The following ROBO2 variants were observed in gnomAD, a reference collection of about 807,000 sequenced individuals.
ROBO2 encodes roundabout homolog 2.
In ROBO2, 53 loss-of-function variants were observed where a neutral mutation model predicts 160.8. The observed-to-expected ratio is 0.33, with a 90% CI of 0.26 to 0.41. The LOEUF is 0.41. Among genes scored for constraint, ROBO2 ranks in the 10% least tolerant of loss-of-function variants. The pLI is 1.00. For synonymous variants in ROBO2, 664 were observed against 611.7 expected (o/e 1.09, Z -1.26); for missense variants, 1,577 against 1,722.4 (o/e 0.92, Z 1.49).
intron 2 of ROBO2, among the ~76,000 whole-genome samples, chr3:76,451,969 TG>T (rs2077497456): frequency 6.6e-6 from 1 of 152,154 alleles, no homozygotes; most frequent in African/African-American, 2.4e-5. Context: ...AGATTTATGT[TG>T]GTATGGTTAG....
chr3:77,402,898 C>T (rs909582035), intron 2 of ROBO2, among the ~76,000 whole-genome samples: 1 of 152,076 alleles, frequency 6.6e-6, no homozygotes, highest in Admixed American at 6.6e-5. Flanking sequence ...CATTCCTGCT[C>T]TAAAGGTTTC....
chr3:77,063,593 T>A (rs2066536072), intron 1 of ROBO2, among the ~76,000 whole-genome samples: 1 of 152,242 alleles, frequency 6.6e-6, no homozygotes, highest in South Asian at 2.1e-4. Context: ...TGTAGTAATT[T>A]ACATATGTGC....
intron 2 of ROBO2, among the ~76,000 whole-genome samples, chr3:76,327,223 A>G (rs1016499196): frequency 1.3e-5 from 2 of 152,058 alleles, no homozygotes; most frequent in African/African-American, 4.8e-5. Context: ...AAAAGTATCT[A>G]TTTTCTCAAT....
chr3:76,378,085 C>A lies in ROBO2; in HGVS notation c.109+440483C>A, dbSNP rs181795537. ...GCAGCTTGCAGTATAATATGAGATGCCTTCTAGGTGTAAAATAAAAATACT... is the reference window on the plus strand; with the variant it reads ...GCAGCTTGCAGTATAATATGAGATGACTTCTAGGTGTAAAATAAAAATACT... On this transcript the variant is annotated intron_variant, in intron 2 of 26. Coordinates refer to the ROBO2 transcript ENST00000487694. Among the ~76,000 whole-genome samples, 140 of 152,164 alleles carry A rather than the reference C, an allele frequency of 9.2e-4. 4 individuals are homozygous for A. The highest frequency in any genetic ancestry group is 8.0e-3 in the Admixed American group (122 of 15,276).
chr3:77,355,036 G>A (rs1212853943), intron 2 of ROBO2, among the ~76,000 whole-genome samples: 1 of 151,380 alleles, frequency 6.6e-6, no homozygotes, highest in African/African-American at 2.4e-5. Flanking sequence ...CATGGAGTCA[G>A]GTAAGCATCT....
intron 25 of ROBO2, among the ~76,000 whole-genome samples, 179 bp downstream of exon 27, chr3:77,645,083 C>T (rs1484099549): frequency 6.6e-6 from 1 of 152,114 alleles, no homozygotes; most frequent in African/African-American, 2.4e-5. Flanking sequence ...TATTGAAGTC[C>T]ATTTTTATAA....
intron 2 of ROBO2, among the ~76,000 whole-genome samples, chr3:77,179,271 G>T (rs910181005): frequency 7.9e-5 from 12 of 151,198 alleles, no homozygotes; most frequent in South Asian, 2.1e-4. Flanking sequence ...TTCACTTCTC[G>T]GGAGATTGAA....
chr3:76,620,750 A>T (rs2089003581), intron 2 of ROBO2, among the ~76,000 whole-genome samples: 1 of 152,186 alleles, frequency 6.6e-6, no homozygotes, highest in Admixed American at 6.5e-5. Flanking sequence ...GCTTATAAAT[A>T]CTAAAGCTTA....
At position 77,563,238 on chromosome 3, in the gene ROBO2, A is replaced by C; in HGVS notation, c.1591A>C (p.Thr531Pro). 1 of 1,613,668 alleles carries C rather than the reference A, an allele frequency of 6.2e-7. No homozygotes were observed. The highest frequency in any genetic ancestry group is 1.3e-5 in the African/African-American group (1 of 75,014). The change falls in exon 11 of 26, where the codon ACT (threonine) becomes CCT (proline). Residue 531 changes from threonine to proline, a missense_variant. Physicochemically the swap from Thr to Pro is conservative, Grantham distance 38 (BLOSUM62 -1). Coordinates refer to ENST00000461745, the Ensembl canonical transcript of ROBO2. The stretch of plus-strand genomic sequence containing the variant: ...AGGGCCACCATCCAAACCGCAGGTC[A>C]CTGATGTTACTAAGAACAGTGTCAC...
chr3:76,641,358 T>C (rs2090666454), intron 2 of ROBO2, among the ~76,000 whole-genome samples: 1 of 152,158 alleles, frequency 6.6e-6, no homozygotes, highest in African/African-American at 2.4e-5. Flanking sequence ...CAATATCACC[T>C]CTGTGATATT....
chr3:76,611,065 G>A (rs1355547659), intron 2 of ROBO2, among the ~76,000 whole-genome samples: 1 of 152,146 alleles, frequency 6.6e-6, no homozygotes, highest in East Asian at 1.9e-4. Context: ...GGGCTGATTG[G>A]TTCATGGGTG....
chr3:76,843,088 T>C (rs2068446838), intron 2 of ROBO2, among the ~76,000 whole-genome samples: 1 of 152,010 alleles, frequency 6.6e-6, no homozygotes, highest in Non-Finnish European at 1.5e-5. Context: ...CCATTTCCAC[T>C]TGAGCTTTAT....
At chr3:76,408,159 A>G (rs965328450) in intron 2 of ROBO2, among the ~76,000 whole-genome samples, 5 of 152,058 alleles carry the variant, frequency 3.3e-5, no homozygotes, top group Non-Finnish European at 7.4e-5. Flanking sequence ...CGCTTAGTCA[A>G]TGTTTGCTTG....
At chr3:76,166,021 A>G (rs1252514989) in intron 2 of ROBO2, among the ~76,000 whole-genome samples, 1 of 152,122 alleles carries the variant, frequency 6.6e-6, no homozygotes, top group African/African-American at 2.4e-5. Flanking sequence ...GATCACCACA[A>G]CAGATACAAT....
intron 2 of ROBO2, among the ~76,000 whole-genome samples, chr3:77,444,480 A>G (rs934476854): frequency 1.3e-5 from 2 of 152,194 alleles, no homozygotes; most frequent in Admixed American, 6.5e-5. Context: ...GTTCAATGAC[A>G]TACCAGTTTC....
At chr3:76,841,488 G>T (rs1489218309) in intron 2 of ROBO2, among the ~76,000 whole-genome samples, 1 of 152,122 alleles carries the variant, frequency 6.6e-6, no homozygotes, top group Admixed American at 6.6e-5. Context: ...GATGAGGGCT[G>T]GTACATTGCC....
chr3:77,166,418 G>A (rs2150694612), intron 2 of ROBO2, among the ~76,000 whole-genome samples: 1 of 152,170 alleles, frequency 6.6e-6, no homozygotes, highest in Admixed American at 6.5e-5. Flanking sequence ...CTATCATAAT[G>A]TTTTTGACAC....
intron 2 of ROBO2, among the ~76,000 whole-genome samples, chr3:76,526,231 C>A (rs1048378854): frequency 6.6e-6 from 1 of 152,006 alleles, no homozygotes; most frequent in Admixed American, 6.6e-5. Flanking sequence ...GGGTTAAAGT[C>A]AGATCATAAG....
chr3:76,119,372 C>T (rs2070622896), intron 2 of ROBO2, among the ~76,000 whole-genome samples: 1 of 151,904 alleles, frequency 6.6e-6, no homozygotes, highest in South Asian at 2.1e-4. Context: ...TACCATAGCT[C>T]ACTTAGTTAA....
Sources: gnomAD v4.1 joint callset for allele counts (sites outside exome capture counted in the v4.1 genomes callset) on GRCh38, gnomAD v4.1.1 for gene constraint, MANE v1.5 for transcripts, NCBI Gene and HGNC (gene_info 2026-07-23, HGNC 2026-07-21) for gene names.